The following PALM2AKAP2 variants were observed in gnomAD, a reference collection of about 807,000 sequenced individuals.
The protein encoded by PALM2AKAP2 is PALM2-AKAP2 fusion protein.
A neutral mutation model predicts 71.5 loss-of-function variants in PALM2AKAP2; 37 were observed. The ratio of observed to expected loss-of-function variants is 0.52; its 90% confidence interval spans 0.40 to 0.68. The LOEUF is 0.68. Ranked by LOEUF, PALM2AKAP2 falls within the 30% of genes least tolerant of loss-of-function variation. The probability of loss-of-function intolerance (pLI) is 0.00; values close to 1 mark genes in which losing one functional copy is unlikely to be tolerated. For missense variants in PALM2AKAP2, 1,224 were observed against 1,191.8 expected, an observed-to-expected ratio of 1.03 and a Z score of -0.40; for synonymous variants, 468 against 478.8, an observed-to-expected ratio of 0.98 and a Z score of 0.29.
rs150019036 is a variant in PALM2AKAP2, at chr9:110,061,031, G to A, written c.156+12176G>A. On this transcript the variant is annotated intron_variant, in intron 1 of 3. Coordinates refer to ENST00000374525, the Ensembl canonical transcript of PALM2AKAP2. The stretch of plus-strand genomic sequence containing the variant: ...CCTTAGAGACCTTTGTCCCGTTAAG[G>A]TAACCTCCTCTCCCAGCCCACACCT... 1.4e-3 allele frequency among the ~76,000 whole-genome samples: 216 copies of A among 152,144 alleles called. 2 individuals are homozygous for A. Among genetic ancestry groups the A allele is most frequent in the Middle Eastern group, 0.01 (3 of 294 alleles).
At chr9:109,769,913 GA>G (rs1829230473) in intron 1 of PALM2AKAP2, among the ~76,000 whole-genome samples, 1 of 152,140 alleles carries the variant, frequency 6.6e-6, no homozygotes, top group South Asian at 2.1e-4. Flanking sequence ...TTCTCGGGGA[GA>G]TCGGGTGAAG....
intron 6 of PALM2AKAP2, among the ~76,000 whole-genome samples, chr9:109,962,794 G>A (rs899628069): frequency 1.1e-4 from 17 of 152,092 alleles, no homozygotes; most frequent in South Asian, 8.3e-4. Context: ...AGGTGCATGC[G>A]ACCAAGCCTG....
intron 1 of PALM2AKAP2, among the ~76,000 whole-genome samples, chr9:109,756,833 T>A (rs1828971109): frequency 6.6e-6 from 1 of 152,150 alleles, no homozygotes; most frequent in Non-Finnish European, 1.5e-5. Flanking sequence ...ATTCTGACCA[T>A]CTTTAATTTT....
intron 1 of PALM2AKAP2, among the ~76,000 whole-genome samples, chr9:109,647,999 G>A (rs1392322778): frequency 6.6e-6 from 1 of 152,220 alleles, no homozygotes; most frequent in Non-Finnish European, 1.5e-5. Flanking sequence ...GTCCCCATGT[G>A]TTCAGGAAGG....
intron 3 of PALM2AKAP2, among the ~76,000 whole-genome samples, chr9:110,160,889 C>G (rs1273544087): frequency 6.6e-6 from 1 of 152,216 alleles, no homozygotes; most frequent in African/African-American, 2.4e-5. Flanking sequence ...CATCCAACCA[C>G]TCTGTCTCAT....
chr9:109,974,554 C>T (rs1320943453), intron 6 of PALM2AKAP2, among the ~76,000 whole-genome samples: 1 of 152,114 alleles, frequency 6.6e-6, no homozygotes, highest in African/African-American at 2.4e-5. Context: ...ACACATGTTG[C>T]TTAGACTGCC....
In PALM2AKAP2 at chr9:109,929,886, A is replaced by G. The variant is rs954746829; in HGVS notation, c.395-2041A>G. Among the ~76,000 whole-genome samples, 42 of 147,516 alleles carry G rather than the reference A, an allele frequency of 2.8e-4. No homozygotes were observed. In the South Asian group the frequency reaches 5.2e-3, roughly 18 times the overall value. On this transcript the variant is annotated intron_variant, in intron 5 of 9. Coordinates refer to the PALM2AKAP2 transcript ENST00000302798. Reference sequence around the variant, plus strand: ...TTCAAAAAAAAAAAAAAAAAAAAAAAAGAGAGAGAATCATGGAGGTGCAGT... The same window carrying G: ...TTCAAAAAAAAAAAAAAAAAAAAAAGAGAGAGAGAATCATGGAGGTGCAGT...
At chr9:109,844,959 GCA>G (rs1330274140) in intron 1 of PALM2AKAP2, among the ~76,000 whole-genome samples, 17 of 148,498 alleles carry the variant, frequency 1.1e-4, no homozygotes, top group South Asian at 6.3e-4. Context: ...GTGTGTGTGT[GCA>G]TGTGCACACA....
intron 3 of PALM2AKAP2, among the ~76,000 whole-genome samples, chr9:109,911,434 T>G (rs1477624471): frequency 1.3e-5 from 2 of 152,174 alleles, no homozygotes; most frequent in African/African-American, 4.8e-5. Context: ...AGAGAAAAGC[T>G]GGTGTCTCCA....
At chr9:109,755,706 C>A (rs1021767990) in intron 1 of PALM2AKAP2, among the ~76,000 whole-genome samples, 2 of 151,870 alleles carry the variant, frequency 1.3e-5, no homozygotes, top group African/African-American at 2.4e-5. Context: ...ACCTCCACCC[C>A]CTTAGTATCC....
Position 109,689,963 on chromosome 9 carries a change from TAGAG to T in PALM2AKAP2, c.5+49100_5+49103del, listed in dbSNP as rs749081500. Among the ~76,000 whole-genome samples the T allele has an allele frequency of 3.3e-5, 5 of 152,038 alleles. No individual in the cohort carries two copies. The East Asian group carries it at 5.8e-4, about 18-fold the overall frequency. On this transcript the variant is annotated intron_variant, in intron 1 of 6. Coordinates refer to the PALM2AKAP2 transcript ENST00000374531. ...AATGAGGCCAGGAATGTCATGGAGA[TAGAG>T]AGTCTTCCATACAGAAAGAGACATC...
chr9:109,902,264 T>C (rs572334783), intron 3 of PALM2AKAP2, among the ~76,000 whole-genome samples: 1 of 152,318 alleles, frequency 6.6e-6, no homozygotes, highest in East Asian at 1.9e-4. Flanking sequence ...ATGTAAAGTG[T>C]CTCATCAGTG....
At chr9:109,843,966 CACACCCG>C (rs1587953503) in intron 1 of PALM2AKAP2, among the ~76,000 whole-genome samples, 1 of 152,254 alleles carries the variant, frequency 6.6e-6, no homozygotes, top group Non-Finnish European at 1.5e-5. Flanking sequence ...CCTCCGCAAC[CACACCCG>C]ATTCTTTGGT....
intron 3 of PALM2AKAP2, among the ~76,000 whole-genome samples, chr9:109,914,832 G>C (rs1203657570): frequency 6.6e-6 from 1 of 152,158 alleles, no homozygotes; most frequent in Non-Finnish European, 1.5e-5. Flanking sequence ...GGAATATGCT[G>C]GTCTTGCGTA....
intron 4 of PALM2AKAP2, among the ~76,000 whole-genome samples, chr9:109,924,135 G>A (rs566227663): frequency 1.3e-5 from 2 of 152,294 alleles, no homozygotes; most frequent in East Asian, 3.9e-4. Context: ...TGCCTGAAAA[G>A]CCTTCTCTTA....
intron 6 of PALM2AKAP2, among the ~76,000 whole-genome samples, chr9:110,011,004 A>AT (rs1451603143): frequency 1.0e-5 from 1 of 97,178 alleles, no homozygotes; most frequent in African/African-American, 5.6e-5. Flanking sequence ...CTCAAAAAAA[A>AT]AAAAAAAAAA....
rs749416916 is a variant in PALM2AKAP2 at position 109,943,259 on chromosome 9, C to T, written c.496+11231C>T. On this transcript the variant is annotated intron_variant, in intron 6 of 9. Coordinates refer to the PALM2AKAP2 transcript ENST00000302798. ...AAGTCATTGAGGGAGAAGACAGTGA[C>T]GGACGTGTCCACTATTGACGGGAAC... is the stretch of plus-strand genomic sequence containing the variant. 1.9e-6 allele frequency: 3 copies of T among 1,614,120 alleles called. No homozygotes were observed. In the Admixed American group the frequency reaches 5.0e-5, roughly 27 times the overall value.
intron 7 of PALM2AKAP2, among the ~76,000 whole-genome samples, chr9:110,018,058 G>A (rs1373818669): frequency 6.6e-6 from 1 of 151,976 alleles, no homozygotes; most frequent in Non-Finnish European, 1.5e-5. Context: ...AGCAAGTCTT[G>A]TCCAAATCCC....
At chr9:109,880,596 G>A (rs1410942641) in exon 3 of PALM2AKAP2, 2 of 1,613,732 alleles carry the variant, frequency 1.2e-6, no homozygotes, top group South Asian at 2.2e-5. Flanking sequence ...CATACCCGCT[G>A]GAACTGCCGA....
Sources: gnomAD v4.1 joint callset for allele counts (sites outside exome capture counted in the v4.1 genomes callset) on GRCh38, gnomAD v4.1.1 for gene constraint, MANE v1.5 for transcripts, NCBI Gene and HGNC (gene_info 2026-07-23, HGNC 2026-07-21) for gene names.